The following IL33 variants were observed in gnomAD, a reference collection of about 807,000 sequenced individuals.
The protein encoded by IL33 is interleukin 33.
IL33 carries 37 observed loss-of-function variants against 27.3 expected under a neutral mutation model. That is an observed-to-expected ratio of 1.36 (90% CI 1.04 to 1.78). IL33 has a LOEUF of 1.78. Ranked by LOEUF, IL33 falls within the 40% of genes most tolerant of loss-of-function variation. The probability of loss-of-function intolerance (pLI) is 0.00; values close to 1 mark genes in which losing one functional copy is unlikely to be tolerated. For missense variants in IL33, 406 were observed against 311.4 expected (o/e 1.30, Z -2.29); for synonymous variants, 132 against 102.9 (o/e 1.28, Z -1.71).
At chr9:6,238,889 T>C (rs890885840) in intron 1 of IL33, among the ~76,000 whole-genome samples, 2 of 152,190 alleles carry the variant, frequency 1.3e-5, no homozygotes, top group Non-Finnish European at 2.9e-5. Flanking sequence ...TAAGAGAATA[T>C]GGAATTTTCT....
chr9:6,249,987 T>C (rs796493626), intron 2 of IL33, among the ~76,000 whole-genome samples: 5 of 152,334 alleles, frequency 3.3e-5, no homozygotes, highest in African/African-American at 1.2e-4. Flanking sequence ...ACATTTCATA[T>C]GAGTAAAAGA....
intron 1 of IL33, among the ~76,000 whole-genome samples, chr9:6,224,246 T>G (rs1818536743): frequency 6.6e-6 from 1 of 152,172 alleles, no homozygotes; most frequent in African/African-American, 2.4e-5. Context: ...GAATAGAACT[T>G]AGGCACACTT....
chr9:6,240,406 T>A (rs1819463478), intron 1 of IL33, among the ~76,000 whole-genome samples: 1 of 152,146 alleles, frequency 6.6e-6, no homozygotes, highest in African/African-American at 2.4e-5. Context: ...TAAAAAGGAA[T>A]GTCTGGGTTA....
intron 2 of IL33, among the ~76,000 whole-genome samples, chr9:6,246,345 C>T (rs187945063): frequency 1.1e-3 from 170 of 151,924 alleles, no homozygotes; most frequent in Non-Finnish European, 1.8e-3. Context: ...GGGTGGATCA[C>T]GAGGTCAAGA....
chr9:6,240,288 G>C (rs768262476), intron 1 of IL33, among the ~76,000 whole-genome samples: 1 of 152,176 alleles, frequency 6.6e-6, no homozygotes, highest in Non-Finnish European at 1.5e-5. Flanking sequence ...ATACATTTAA[G>C]AAATACATTC....
intron 1 of IL33, among the ~76,000 whole-genome samples, chr9:6,228,866 T>C (rs1818783539): frequency 6.8e-6 from 1 of 148,106 alleles, no homozygotes; most frequent in Non-Finnish European, 1.5e-5. Context: ...AAAAATCAGC[T>C]TTCAGATATT....
chr9:6,239,634 T>C (rs983322950), intron 1 of IL33, among the ~76,000 whole-genome samples: 1 of 152,108 alleles, frequency 6.6e-6, no homozygotes, highest in Admixed American at 6.5e-5. Flanking sequence ...TCTCTCCTTC[T>C]TTCATTTATT....
intron 1 of IL33, among the ~76,000 whole-genome samples, chr9:6,238,527 A>T (rs1564060946): frequency 6.6e-6 from 1 of 152,284 alleles, no homozygotes; most frequent in South Asian, 2.1e-4. Flanking sequence ...GATCATCTGG[A>T]GTTTCAGCCT....
chr9:6,218,996 C>A (rs1818301308), intron 1 of IL33, among the ~76,000 whole-genome samples: 1 of 137,056 alleles, frequency 7.3e-6, no homozygotes, highest in African/African-American at 2.7e-5. Context: ...AAGGGTTTTT[C>A]TGGAGATGTC....
intron 6 of IL33, 84 bp downstream of exon 6, chr9:6,253,686 A>G (rs1816551821): frequency 2.8e-6 from 3 of 1,079,490 alleles, no homozygotes; most frequent in Non-Finnish European, 4.1e-6. Flanking sequence ...TTTTTGCCCC[A>G]TAGGAAAAAA....
intron 1 of IL33, among the ~76,000 whole-genome samples, chr9:6,230,256 C>T (rs1818861056): frequency 6.6e-6 from 1 of 152,136 alleles, no homozygotes; most frequent in Non-Finnish European, 1.5e-5. Flanking sequence ...TCCCTCTTCT[C>T]ACGAGGGCTT....
intron 1 of IL33, among the ~76,000 whole-genome samples, chr9:6,229,661 T>G (rs60076497): frequency 0.055 from 8,331 of 152,224 alleles, 375 homozygotes; most frequent in African/African-American, 0.11. Context: ...ATGCCTGCCT[T>G]ACTTAGTTTA....
chr9:6,227,927 C>T (rs576779577), intron 1 of IL33, among the ~76,000 whole-genome samples: 1 of 152,234 alleles, frequency 6.6e-6, no homozygotes. Flanking sequence ...TTCCTCCACC[C>T]CTTTCCTGAA....
intron 4 of IL33, among the ~76,000 whole-genome samples, chr9:6,252,035 G>GA (rs1285022798): frequency 0.012 from 427 of 35,904 alleles, 8 homozygotes; most frequent in South Asian, 0.034. Context: ...GGCTGTCTCA[G>GA]AAAAAAAACA....
At chr9:6,217,979 C>G (rs970896903) in intron 1 of IL33, among the ~76,000 whole-genome samples, 1 of 146,860 alleles carries the variant, frequency 6.8e-6, no homozygotes, top group Admixed American at 6.8e-5. Context: ...TATTGCTTCT[C>G]AAATTTGTCT....
chr9:6,237,761 T>TA (rs1027996535), intron 1 of IL33, among the ~76,000 whole-genome samples: 3 of 152,166 alleles, frequency 2.0e-5, no homozygotes, highest in Non-Finnish European at 4.4e-5. Flanking sequence ...CTAAGATTAT[T>TA]AAAAAAAGTA....
At chr9:6,240,172 C>G (rs750553996) in intron 1 of IL33, among the ~76,000 whole-genome samples, 5 of 152,076 alleles carry the variant, frequency 3.3e-5, no homozygotes, top group Admixed American at 6.6e-5. Flanking sequence ...TATGAGTGAC[C>G]ACGGCCTGTG....
intron 1 of IL33, among the ~76,000 whole-genome samples, chr9:6,221,605 T>C (rs2130097495): frequency 6.6e-6 from 1 of 152,330 alleles, no homozygotes; most frequent in Admixed American, 6.5e-5. Flanking sequence ...TATTATTTTG[T>C]CAGCATCCAA....
At chr9:6,228,228 T>C (rs914602) in intron 1 of IL33, among the ~76,000 whole-genome samples, 139,274 of 152,112 alleles carry the variant, frequency 0.92, 64,007 homozygotes, top group East Asian at 1. Flanking sequence ...GGCAGGAGGA[T>C]CACTTGAGGC....
Sources: gnomAD v4.1 joint callset for allele counts (sites outside exome capture counted in the v4.1 genomes callset) on GRCh38, gnomAD v4.1.1 for gene constraint, MANE v1.5 for transcripts, NCBI Gene and HGNC (gene_info 2026-07-23, HGNC 2026-07-21) for gene names.